Variants in FBXL18 observed in about 807,000 individuals in gnomAD.
FBXL18 encodes the protein F-box and leucine rich repeat protein 18, also known as F-box/LRR-repeat protein 18.
FBXL18 carries 36 observed loss-of-function variants against 46.0 expected under a neutral mutation model. That is an observed-to-expected ratio of 0.78 (90% CI 0.60 to 1.03). The LOEUF is 1.03. Ranked by LOEUF, FBXL18 falls within the 50% of genes least tolerant of loss-of-function variation. The pLI is 0.00. For missense variants in FBXL18, 977 were observed against 1,004.1 expected, an observed-to-expected ratio of 0.97 and a Z score of 0.36; for synonymous variants, 557 against 465.3, an observed-to-expected ratio of 1.20 and a Z score of -2.54.
Position 5,479,987 on chromosome 7 carries a change from C to G in FBXL18, c.*1788G>C, listed in dbSNP as rs547615601. On this transcript the variant is annotated 3_prime_UTR_variant, in exon 5 of 5. Coordinates refer to ENST00000382368, the MANE Select transcript of FBXL18 (RefSeq NM_024963.6). ...GACTGCCAGGTGGAGAGCTGGGAGG[C>G]AGCCTGCACAGGAGGGCTGTACCTC... 9.9e-4 allele frequency among the ~76,000 whole-genome samples: 151 copies of G among 152,254 alleles called. No individual in the cohort carries two copies. The highest frequency in any genetic ancestry group is 3.6e-3 in the African/African-American group (149 of 41,534).
chr7:5,502,745 T>A (rs1266924391), intron 2 of FBXL18, among the ~76,000 whole-genome samples: 1 of 151,704 alleles, frequency 6.6e-6, no homozygotes, highest in African/African-American at 2.4e-5. Flanking sequence ...GGAGAATCGC[T>A]TGAACCTGGG....
intron 4 of FBXL18, among the ~76,000 whole-genome samples, chr7:5,463,731 T>TATTTA (rs57672683): frequency 0.032 from 1,734 of 53,780 alleles, 20 homozygotes; most frequent in Non-Finnish European, 0.045. Flanking sequence ...TTTATTTATT[T>TATTTA]TTTTTTTTTT....
chr7:5,502,599 C>G (rs994614514), intron 2 of FBXL18, among the ~76,000 whole-genome samples: 9 of 149,666 alleles, frequency 6.0e-5, no homozygotes, highest in South Asian at 2.1e-4. Context: ...GGGAGGCCAA[C>G]GAAGGCAGAT....
At chr7:5,502,174 G>A (rs553985995) in intron 2 of FBXL18, 143 bp from the exon 3 acceptor site, 593 of 610,164 alleles carry the variant, frequency 9.7e-4, no homozygotes, top group Non-Finnish European at 1.2e-3. Context: ...CTACCTGCCC[G>A]CACTCTGACC....
At chr7:5,498,212 T>C (rs6463487) in intron 3 of FBXL18, among the ~76,000 whole-genome samples, 140,739 of 151,738 alleles carry the variant, frequency 0.93, 65,362 homozygotes, top group African/African-American at 0.98. Flanking sequence ...CTCAGCCTCC[T>C]AAGCAGCTGG....
intron 3 of FBXL18, among the ~76,000 whole-genome samples, chr7:5,495,622 G>A (rs921494758): frequency 4.6e-5 from 7 of 152,204 alleles, no homozygotes; most frequent in Admixed American, 1.3e-4. Flanking sequence ...GGTGGCTGGC[G>A]TGGGATTCCA....
intron 3 of FBXL18, among the ~76,000 whole-genome samples, chr7:5,494,854 C>G (rs1784032550): frequency 6.6e-6 from 1 of 152,242 alleles, no homozygotes; most frequent in Admixed American, 6.5e-5. Flanking sequence ...GGGTTAAAAA[C>G]CAAGTCTGCA....
At chr7:5,508,438 T>TC (rs778331227) in intron 1 of FBXL18, among the ~76,000 whole-genome samples, 33,114 of 140,212 alleles carry the variant, frequency 0.24, 4,060 homozygotes, top group Middle Eastern at 0.28. Context: ...CGAGACTTTG[T>TC]CTAAAAAAAA....
At chr7:5,492,151 G>A (rs1456191071) in intron 3 of FBXL18, among the ~76,000 whole-genome samples, 1 of 150,228 alleles carries the variant, frequency 6.7e-6, no homozygotes, top group Non-Finnish European at 1.5e-5. Context: ...AGACCAAGAC[G>A]GGAGAACCCA....
rs994736489 is a variant in FBXL18 at position 5,479,453 on chromosome 7, C to G, written c.*2322G>C. ...CACTCGCCCCTGCCTGGTCGGAGAG[C>G]AAGAAGTGGTCAGTCCCAGGAGGCA... On this transcript the variant is annotated 3_prime_UTR_variant, in exon 5 of 5. Transcript: ENST00000382368. The G allele has an allele frequency of 6.6e-6, 1 of 152,232 alleles. No individual in the cohort carries two copies. The highest frequency in any genetic ancestry group is 2.4e-5 in the African/African-American group (1 of 41,444). The allele number at this position is 152,232 out of a possible 1,614,324, so 9.4% of individuals were successfully genotyped here.
intron 3 of FBXL18, among the ~76,000 whole-genome samples, chr7:5,494,989 G>A (rs900250269): frequency 6.6e-6 from 1 of 152,226 alleles, no homozygotes; most frequent in Non-Finnish European, 1.5e-5. Context: ...GTCAGGCAGC[G>A]GGCCTGGCAC....
chr7:5,491,661 C>T (rs940463575), intron 3 of FBXL18, among the ~76,000 whole-genome samples: 2 of 152,176 alleles, frequency 1.3e-5, no homozygotes, highest in African/African-American at 4.8e-5. Flanking sequence ...TGGAGGCGAC[C>T]CGGTGGGCCT....
At chr7:5,486,413 G>A (rs1182717824) in intron 4 of FBXL18, among the ~76,000 whole-genome samples, 2 of 150,996 alleles carry the variant, frequency 1.3e-5, no homozygotes, top group Non-Finnish European at 2.9e-5. Flanking sequence ...GCGAAACTCT[G>A]TTTCAAAAAA....
chr7:5,506,965 G>A (rs1207652894), intron 1 of FBXL18, among the ~76,000 whole-genome samples: 1 of 152,208 alleles, frequency 6.6e-6, no homozygotes, highest in South Asian at 2.1e-4. Flanking sequence ...TGAAGAGGGA[G>A]AAGAGCTGGA....
chr7:5,507,773 G>A (rs1026152833), intron 1 of FBXL18, among the ~76,000 whole-genome samples: 4 of 152,044 alleles, frequency 2.6e-5, no homozygotes, highest in African/African-American at 9.7e-5. Context: ...GGCAGAGATT[G>A]CAGGGAGCCA....
downstream of FBXL18, among the ~76,000 whole-genome samples, chr7:5,471,340 G>A (rs974099270): frequency 5.3e-5 from 8 of 152,146 alleles, no homozygotes; most frequent in Admixed American, 2.0e-4. Context: ...GCAGTGGCGC[G>A]ATCTCGGCTC....
At chr7:5,492,737 G>A (rs940200250) in intron 3 of FBXL18, among the ~76,000 whole-genome samples, 1 of 152,046 alleles carries the variant, frequency 6.6e-6, no homozygotes, top group African/African-American at 2.4e-5. Context: ...GACAGAAGGC[G>A]GCCAGGTCAC....
chr7:5,505,376 G>C (rs766025096), intron 2 of FBXL18, 36 bp downstream of exon 2: 2 of 1,586,860 alleles, frequency 1.3e-6, no homozygotes, highest in Non-Finnish European at 1.7e-6. Flanking sequence ...CTGAGATCTA[G>C]CTTGTTTCTC....
intron 2 of FBXL18, 120 bp downstream of exon 2, chr7:5,505,292 A>T: frequency 1.1e-6 from 1 of 914,744 alleles, no homozygotes; most frequent in South Asian, 1.6e-5. Context: ...GGCGCCAGTC[A>T]GGACTTGGAG....
Sources: gnomAD v4.1 joint callset for allele counts (sites outside exome capture counted in the v4.1 genomes callset) on GRCh38, gnomAD v4.1.1 for gene constraint, MANE v1.5 for transcripts, NCBI Gene and HGNC (gene_info 2026-07-23, HGNC 2026-07-21) for gene names.